SMYD4: variants seen among roughly 807,000 people sequenced by gnomAD.
SMYD4 encodes the protein SET and MYND domain containing 4.
A neutral mutation model predicts 72.8 loss-of-function variants in SMYD4; 68 were observed. The ratio of observed to expected loss-of-function variants is 0.93; its 90% CI spans 0.77 to 1.14. The LOEUF (loss-of-function observed/expected upper bound fraction) is 1.14. Ranked by LOEUF, SMYD4 falls within the 50% of genes most tolerant of loss-of-function variation. The pLI, the probability that SMYD4 is intolerant of heterozygous loss-of-function variation, is 0.00. For missense variants in SMYD4, 984 were observed against 1,003.7 expected (o/e 0.98, Z 0.27); for synonymous variants, 407 against 388.6 (o/e 1.05, Z -0.56).
At chr17:1,810,415 T>C (rs921673407) in intron 3 of SMYD4, among the ~76,000 whole-genome samples, 2 of 152,250 alleles carry the variant, frequency 1.3e-5, no homozygotes. Flanking sequence ...CGCATACCTG[T>C]AATCCCAGCT....
At position 1,829,871 on chromosome 17, in the gene SMYD4, T is replaced by A. The variant is rs1017672833; in HGVS notation, c.-158A>T. 2.7e-5 allele frequency: 10 copies of A among 371,768 alleles called. No individual in the cohort carries two copies. In the East Asian group the frequency reaches 2.7e-4, roughly 10 times the overall value. The allele number at this position is 371,768 out of a possible 1,614,324, so 23.0% of individuals were successfully genotyped here. A position where few individuals can be genotyped will look rare whatever the true frequency, so the allele number is the denominator to read the frequency against. ...GCTCCGCCCCGCACCGCGTCCGGCG[T>A]CCCGCGCCAGGCCTCGCTTGGGACC... On this transcript the variant is annotated 5_prime_UTR_variant, in exon 1 of 11. Transcript: ENST00000305513.
Position 1,783,272 on chromosome 17 carries a change from G to T in SMYD4, c.2137+88C>A, listed in dbSNP as rs879169086. The T allele has an allele frequency of 1.2e-5, 20 of 1,610,210 alleles. No homozygotes were observed. The South Asian group carries it at 2.1e-4, about 17-fold the overall frequency. On this transcript the variant is annotated intron_variant, in intron 9 of 10. Coordinates refer to ENST00000305513, the MANE Select transcript of SMYD4 (RefSeq NM_052928.3). ...GGAGCACCCTCAGTTTACAGAGCGG[G>T]GGGTAACCAGGCAGACAAGGCCGGG... is the stretch of plus-strand genomic sequence containing the variant.
At chr17:1,796,548 T>C (rs941134302) in intron 5 of SMYD4, among the ~76,000 whole-genome samples, 45 of 152,018 alleles carry the variant, frequency 3.0e-4, no homozygotes, top group African/African-American at 9.7e-4. Context: ...GCAATTCTCC[T>C]GCCTCAGCCT....
chr17:1,807,631 A>G (rs866537192), intron 3 of SMYD4, among the ~76,000 whole-genome samples: 4 of 151,700 alleles, frequency 2.6e-5, no homozygotes, highest in South Asian at 4.2e-4. Flanking sequence ...CCAAAGTGCT[A>G]GGATTACAGG....
chr17:1,812,418 C>G (rs575913832), intron 2 of SMYD4, among the ~76,000 whole-genome samples: 3 of 151,804 alleles, frequency 2.0e-5, no homozygotes, highest in Non-Finnish European at 4.4e-5. Context: ...TCCTGAGTAG[C>G]TGGCACTAAT....
rs190777477 is a variant in SMYD4 at position 1,786,871 on chromosome 17, C to T, written c.1823G>A (p.Arg608Lys). ...TTCCCACCTGGGCCCTGCAGCCATCCTGTGTGCCTCAGTTTGACAAGCTGG... is the reference window on the plus strand; with the variant it reads ...TTCCCACCTGGGCCCTGCAGCCATCTTGTGTGCCTCAGTTTGACAAGCTGG... ...ACPACQTEAH[R>K]MAAGPRWEAF... Residue 608 changes from arginine to lysine, a missense_variant, in exon 7 of 11, where the codon AGG (arginine) becomes AAG (lysine). Transcript: ENST00000305513. 1 of 1,614,232 alleles carries T rather than the reference C, an allele frequency of 6.2e-7. No homozygotes were observed. The highest frequency in any genetic ancestry group is 8.5e-7 in the Non-Finnish European group (1 of 1,180,046).
At chr17:1,790,639 C>A (rs1204510223) in intron 5 of SMYD4, among the ~76,000 whole-genome samples, 2 of 152,020 alleles carry the variant, frequency 1.3e-5, no homozygotes, top group Admixed American at 1.3e-4. Flanking sequence ...GCCTCAGCCT[C>A]CTGAGTAGCT....
intron 5 of SMYD4, among the ~76,000 whole-genome samples, chr17:1,788,679 T>C (rs372133955): frequency 3.9e-5 from 6 of 151,950 alleles, no homozygotes; most frequent in South Asian, 4.2e-4. Flanking sequence ...CCTGAGGACG[T>C]TGCAGTGAGC....
At chr17:1,788,691 AAGATCGTGCTGCTGCACTCCAGCCT>A (rs1360771211) in intron 5 of SMYD4, among the ~76,000 whole-genome samples, 1 of 152,118 alleles carries the variant, frequency 6.6e-6, no homozygotes, top group African/African-American at 2.4e-5. Flanking sequence ...GCAGTGAGCC[AAGATCGTGCTGCTGCACTCCAGCCT>A]AGACAACAAG....
At chr17:1,821,616 C>A (rs979540280) in intron 2 of SMYD4, among the ~76,000 whole-genome samples, 1 of 152,014 alleles carries the variant, frequency 6.6e-6, no homozygotes, top group Non-Finnish European at 1.5e-5. Context: ...GCAGTATTTG[C>A]AATGTTTAGA....
chr17:1,794,043 A>ATATATATATG (rs1909225446), intron 5 of SMYD4, among the ~76,000 whole-genome samples: 3 of 71,124 alleles, frequency 4.2e-5, no homozygotes, highest in African/African-American at 2.0e-4. Context: ...ATATGTATGT[A>ATATATATATG]TATATATATG....
chr17:1,827,291 A>G (rs900689616), intron 2 of SMYD4, among the ~76,000 whole-genome samples: 3 of 151,710 alleles, frequency 2.0e-5, no homozygotes, highest in African/African-American at 7.3e-5. Context: ...GTGGGCTGAG[A>G]TTGCGCCACT....
chr17:1,795,747 G>GTTTTTTTT (rs368038317), intron 5 of SMYD4, among the ~76,000 whole-genome samples: 6,480 of 128,134 alleles, frequency 0.051, 233 homozygotes, highest in Non-Finnish European at 0.062. Context: ...TGGCCCGTGA[G>GTTTTTTTT]TTTTTTTTTT....
chr17:1,828,362 AAAAAGG>A (rs1190667198), intron 1 of SMYD4, among the ~76,000 whole-genome samples: 1 of 151,904 alleles, frequency 6.6e-6, no homozygotes, highest in African/African-American at 2.4e-5. Flanking sequence ...GAAAAAAAAA[AAAAAGG>A]AAAATCAAGA....
rs772704528 is a variant in SMYD4, at chr17:1,786,834, G to A, written c.1860C>T (p.Cys620=). Reference sequence around the variant, plus strand: ...CCTGCATGGGCGCTCCGCAACTGTTGCAACAGAATGCTTCCCACCTGGGCC... The same window carrying A: ...CCTGCATGGGCGCTCCGCAACTGTTACAACAGAATGCTTCCCACCTGGGCC... ...AAGPRWEAFC[C]NSCGAPMQGD... is the part of the protein sequence containing the mutation. The change falls in exon 7 of 11, where the codon TGC becomes TGT. Residue 620 remains cysteine (C), a synonymous_variant. Coordinates refer to ENST00000305513, the MANE Select transcript of SMYD4 (RefSeq NM_052928.3). 1 of 1,614,186 alleles carries A rather than the reference G, an allele frequency of 6.2e-7. No individual in the cohort carries two copies. Among genetic ancestry groups the A allele is most frequent in the Non-Finnish European group, 8.5e-7 (1 of 1,180,034 alleles).
intron 7 of SMYD4, among the ~76,000 whole-genome samples, chr17:1,786,590 G>T (rs987529489): frequency 6.6e-6 from 1 of 152,110 alleles, no homozygotes; most frequent in Non-Finnish European, 1.5e-5. Context: ...AGTTCAGATG[G>T]GATCTTCTGT....
At chr17:1,819,855 C>T (rs1490944611) in intron 2 of SMYD4, among the ~76,000 whole-genome samples, 3 of 151,492 alleles carry the variant, frequency 2.0e-5, no homozygotes, top group Non-Finnish European at 2.9e-5. Context: ...TGGCACGATC[C>T]TGGTTCACTG....
Position 1,827,770 on chromosome 17 carries a change from ATT to A in SMYD4, c.134+89_134+90del, listed in dbSNP as rs1049762008. ...GGGAAACAAGCAAGACTCAATCTTTATTTAAGAAAAAGACACATTACTTCAGA... is the reference window on the plus strand; with the variant it reads ...GGGAAACAAGCAAGACTCAATCTTTATAAGAAAAAGACACATTACTTCAGA... On this transcript the variant is annotated intron_variant, in intron 2 of 10. Coordinates refer to ENST00000305513, the MANE Select transcript of SMYD4 (RefSeq NM_052928.3). 2.1e-6 allele frequency: 3 copies of A among 1,459,166 alleles called. No homozygotes were observed. The African/African-American group carries it at 4.3e-5, about 21-fold the overall frequency. 90.4% of individuals were successfully genotyped at this position (1,459,166 alleles called of 1,614,324 possible). A position where few individuals can be genotyped will look rare whatever the true frequency, so the allele number is the denominator to read the frequency against.
At chr17:1,822,701 G>A (rs757979898) in intron 2 of SMYD4, among the ~76,000 whole-genome samples, 50 of 152,134 alleles carry the variant, frequency 3.3e-4, no homozygotes, top group Non-Finnish European at 6.0e-4. Context: ...CTGACCTCAG[G>A]TGATCCACCC....
Sources: gnomAD v4.1 joint callset for allele counts (sites outside exome capture counted in the v4.1 genomes callset) on GRCh38, gnomAD v4.1.1 for gene constraint, MANE v1.5 for transcripts, NCBI Gene and HGNC (gene_info 2026-07-23, HGNC 2026-07-21) for gene names.